Variants in FRMD4B observed in about 807,000 individuals in gnomAD.
FRMD4B encodes the protein FERM domain-containing protein 4B.
FRMD4B carries 74 observed loss-of-function variants against 141.5 expected under a neutral mutation model. That is an observed-to-expected ratio of 0.52 (90% CI 0.43 to 0.63). The LOEUF is 0.63. Among genes scored for constraint, FRMD4B ranks in the 30% least tolerant of loss-of-function variants. FRMD4B has a pLI of 0.00. For synonymous variants in FRMD4B, 506 were observed against 467.9 expected, an observed-to-expected ratio of 1.08 and a Z score of -1.05; for missense variants, 1,366 against 1,253.4, an observed-to-expected ratio of 1.09 and a Z score of -1.36.
chr3:69,278,087 CT>C (rs1407597993), intron 5 of FRMD4B, among the ~76,000 whole-genome samples: 4 of 152,132 alleles, frequency 2.6e-5, no homozygotes, highest in Non-Finnish European at 5.9e-5. Context: ...AACTCCTGTC[CT>C]TGTGATCCGC....
chr3:69,403,803 C>T (rs1048891233), intron 2 of FRMD4B, among the ~76,000 whole-genome samples: 3 of 152,220 alleles, frequency 2.0e-5, no homozygotes, highest in East Asian at 1.9e-4. Context: ...AGCACGCATG[C>T]GTACCCCACT....
At chr3:69,516,353 T>A (rs1246795283) in intron 1 of FRMD4B, among the ~76,000 whole-genome samples, 1 of 152,170 alleles carries the variant, frequency 6.6e-6, no homozygotes, top group Non-Finnish European at 1.5e-5. Context: ...GGATGTTATT[T>A]AGGTGAGCCC....
chr3:69,519,520 A>C (rs1206527364), intron 1 of FRMD4B, among the ~76,000 whole-genome samples: 1 of 152,114 alleles, frequency 6.6e-6, no homozygotes, highest in East Asian at 1.9e-4. Context: ...ATTCCTCCTC[A>C]TGCCTCAGGG....
chr3:69,464,614 GA>G (rs1316305348), intron 1 of FRMD4B, among the ~76,000 whole-genome samples: 1 of 152,034 alleles, frequency 6.6e-6, no homozygotes, highest in Non-Finnish European at 1.5e-5. Context: ...AGGACAGGAG[GA>G]AAAAAACTGA....
At chr3:69,526,538 C>T (rs1700932856) in intron 1 of FRMD4B, among the ~76,000 whole-genome samples, 1 of 152,186 alleles carries the variant, frequency 6.6e-6, no homozygotes. Flanking sequence ...CGCATTGGCT[C>T]TGCAGTCAGA....
chr3:69,263,710 C>A lies in FRMD4B; in HGVS notation c.502-13611G>T, dbSNP rs141440192. 6.1e-4 allele frequency among the ~76,000 whole-genome samples: 93 copies of A among 151,510 alleles called. 1 individual carries two copies. The Middle Eastern group carries it at 0.014, about 22-fold the overall frequency. On this transcript the variant is annotated intron_variant, in intron 5 of 22. Coordinates refer to ENST00000398540, the MANE Select transcript of FRMD4B (RefSeq NM_015123.3). ...TACAGACATGAGCCATAGTACCCAG[C>A]CTATATGCACTTTTTAATATGTATA...
chr3:69,376,755 A>G (rs1271049366), intron 1 of FRMD4B: 1 of 152,136 alleles, frequency 6.6e-6, no homozygotes, highest in Non-Finnish European at 1.5e-5. Context: ...ATGAGAGCTT[A>G]ATTTCTGTCT....
chr3:69,530,124 C>A (rs1700990194), intron 1 of FRMD4B, among the ~76,000 whole-genome samples: 1 of 152,242 alleles, frequency 6.6e-6, no homozygotes, highest in Non-Finnish European at 1.5e-5. Context: ...GCCATTCTTG[C>A]CCTACAAAGA....
intron 1 of FRMD4B, among the ~76,000 whole-genome samples, chr3:69,473,967 A>G (rs17633736): frequency 0.14 from 20,694 of 152,096 alleles, 1,477 homozygotes; most frequent in South Asian, 0.2. Flanking sequence ...CCATCCTGCC[A>G]TGTAACTTGT....
intron 2 of FRMD4B, among the ~76,000 whole-genome samples, chr3:69,413,864 T>G (rs1704803565): frequency 6.6e-6 from 1 of 152,144 alleles, no homozygotes; most frequent in African/African-American, 2.4e-5. Flanking sequence ...CTCCTACGTG[T>G]TTCTCAGAGA....
intron 1 of FRMD4B, chr3:69,376,744 C>T (rs1175113000): frequency 6.6e-6 from 1 of 151,830 alleles, no homozygotes; most frequent in Non-Finnish European, 1.5e-5. Context: ...TAATTTTTTT[C>T]ATGAGAGCTT....
intron 5 of FRMD4B, among the ~76,000 whole-genome samples, chr3:69,286,200 C>T (rs1700684494): frequency 1.3e-5 from 2 of 152,316 alleles, no homozygotes; most frequent in South Asian, 4.1e-4. Context: ...TATTAACCTA[C>T]ACAAGTGAAT....
upstream of FRMD4B, among the ~76,000 whole-genome samples, chr3:69,390,616 G>T (rs1005308434): frequency 6.6e-6 from 1 of 152,078 alleles, no homozygotes; most frequent in Admixed American, 6.6e-5. Context: ...ACCCTGGCCA[G>T]GCACGGTGGC....
At chr3:69,195,433 G>T (rs1489465394) in intron 14 of FRMD4B, 69 bp from the exon 15 acceptor site, 3 of 1,317,844 alleles carry the variant, frequency 2.3e-6, no homozygotes, top group Non-Finnish European at 3.1e-6. Context: ...AGGGACAAAG[G>T]ATTTTTAAGC....
intron 1 of FRMD4B, among the ~76,000 whole-genome samples, chr3:69,379,168 CA>C (rs1410049737): frequency 5.9e-5 from 9 of 152,152 alleles, no homozygotes; most frequent in African/African-American, 2.2e-4. Context: ...TATGAATGAA[CA>C]AATGAATAAA....
chr3:69,264,853 G>C (rs1205061224), intron 5 of FRMD4B, among the ~76,000 whole-genome samples: 1 of 152,062 alleles, frequency 6.6e-6, no homozygotes, highest in Non-Finnish European at 1.5e-5. Flanking sequence ...AAAGTATCTG[G>C]GCAGACCGCT....
chr3:69,391,115 C>T (rs191676424), intron 2 of FRMD4B, among the ~76,000 whole-genome samples: 43 of 151,962 alleles, frequency 2.8e-4, no homozygotes, highest in Non-Finnish European at 4.9e-4. Context: ...ACCGGAATGC[C>T]GTTTCCTATG....
chr3:69,250,351 G>A, intron 5 of FRMD4B: 1 of 374,218 alleles, frequency 2.7e-6, no homozygotes, highest in East Asian at 4.5e-5. Context: ...CGGATTATGT[G>A]TAGAGAGCAG....
intron 1 of FRMD4B, among the ~76,000 whole-genome samples, chr3:69,361,853 T>C (rs1487935785): frequency 6.6e-6 from 1 of 152,240 alleles, no homozygotes; most frequent in Non-Finnish European, 1.5e-5. Context: ...CACATGCATA[T>C]GTTTTCATTT....
Sources: gnomAD v4.1 joint callset for allele counts (sites outside exome capture counted in the v4.1 genomes callset) on GRCh38, gnomAD v4.1.1 for gene constraint, MANE v1.5 for transcripts, NCBI Gene and HGNC (gene_info 2026-07-23, HGNC 2026-07-21) for gene names.